Variants in SOX5 observed in about 807,000 individuals in gnomAD.
SOX5 encodes SRY-box transcription factor 5.
A neutral mutation model predicts 92.0 loss-of-function variants in SOX5; 9 were observed. That is an observed-to-expected ratio of 0.10 (90% CI 0.06 to 0.17). The LOEUF (loss-of-function observed/expected upper bound fraction) is 0.17. SOX5 is among the 10% of genes least tolerant of loss of function. SOX5 has a pLI of 1.00. For synonymous variants in SOX5, 344 were observed against 336.3 expected (o/e 1.02, Z -0.25); for missense variants, 642 against 944.5 (o/e 0.68, Z 4.20).
At chr12:24,537,478 G>A (rs185283253) in intron 1 of SOX5, among the ~76,000 whole-genome samples, 25 of 152,274 alleles carry the variant, frequency 1.6e-4, no homozygotes, top group African/African-American at 5.8e-4. Flanking sequence ...TCTTCAGACT[G>A]AGGAAATGCC....
intron 4 of SOX5, among the ~76,000 whole-genome samples, chr12:24,028,199 C>T (rs1236675914): frequency 6.6e-6 from 1 of 151,894 alleles, no homozygotes; most frequent in Non-Finnish European, 1.5e-5. Context: ...GTAATTACAC[C>T]ATGTACTTAT....
chr12:24,265,285 G>A lies in SOX5; in HGVS notation c.-77+11931C>T, dbSNP rs561404224. On this transcript the variant is annotated intron_variant, in intron 3 of 4. Coordinates refer to the SOX5 transcript ENST00000446891. ...AATATGGCCAGGTGTGGTGGCTCAC[G>A]CCCGTAATCTTAACATTTTGGTAAG... Among the ~76,000 whole-genome samples, 19 of 152,186 alleles carry A rather than the reference G, an allele frequency of 1.2e-4. No homozygotes were observed. The East Asian group carries it at 1.4e-3, about 11-fold the overall frequency.
intron 2 of SOX5, among the ~76,000 whole-genome samples, chr12:24,282,750 G>A (rs76730295): frequency 0.053 from 8,081 of 152,232 alleles, 290 homozygotes; most frequent in Middle Eastern, 0.11. Context: ...GTGCTGAGGC[G>A]CAGGGAGGTT....
chr12:23,658,509 A>G (rs1250011437), intron 7 of SOX5, among the ~76,000 whole-genome samples: 1 of 152,222 alleles, frequency 6.6e-6, no homozygotes, highest in Admixed American at 6.5e-5. Flanking sequence ...CTTTACAACT[A>G]AATCAGGATC....
At chr12:23,828,445 T>A (rs1174734138) in intron 3 of SOX5, among the ~76,000 whole-genome samples, 1 of 152,186 alleles carries the variant, frequency 6.6e-6, no homozygotes, top group African/African-American at 2.4e-5. Context: ...CACACATGAA[T>A]TGGGAATAAA....
intron 1 of SOX5, among the ~76,000 whole-genome samples, chr12:24,474,408 C>G (rs1330406608): frequency 1.3e-5 from 2 of 152,202 alleles, no homozygotes; most frequent in East Asian, 3.9e-4. Flanking sequence ...TGTGGATGAC[C>G]CCCCCACCGG....
At chr12:23,926,790 A>G (rs1229126674) in intron 1 of SOX5, among the ~76,000 whole-genome samples, 1 of 152,088 alleles carries the variant, frequency 6.6e-6, no homozygotes, top group Admixed American at 6.5e-5. Flanking sequence ...CAAGTCATAA[A>G]TGATCTACAG....
At chr12:24,240,813 T>G (rs536980790) in intron 3 of SOX5, among the ~76,000 whole-genome samples, 2 of 152,332 alleles carry the variant, frequency 1.3e-5, no homozygotes, top group African/African-American at 2.4e-5. Flanking sequence ...CCTATTGTTT[T>G]CCATACAGCC....
intron 7 of SOX5, among the ~76,000 whole-genome samples, chr12:23,649,496 C>A (rs2081287607): frequency 6.6e-6 from 1 of 152,060 alleles, no homozygotes; most frequent in Middle Eastern, 3.2e-3. Flanking sequence ...AAAGTAATTT[C>A]TTCTACTCTT....
chr12:24,348,881 A>G (rs537625978), intron 2 of SOX5, among the ~76,000 whole-genome samples: 2 of 152,256 alleles, frequency 1.3e-5, no homozygotes, highest in East Asian at 3.9e-4. Context: ...GTTTCCCTAC[A>G]CATGCTCTCT....
At chr12:24,399,671 T>C (rs1961035258) in intron 1 of SOX5, among the ~76,000 whole-genome samples, 2 of 152,160 alleles carry the variant, frequency 1.3e-5, no homozygotes, top group African/African-American at 4.8e-5. Flanking sequence ...TTATTTTGAA[T>C]TGCCAGTAGC....
intron 7 of SOX5, among the ~76,000 whole-genome samples, chr12:23,655,492 G>T (rs2082192453): frequency 1.3e-5 from 2 of 152,048 alleles, no homozygotes; most frequent in Non-Finnish European, 2.9e-5. Flanking sequence ...TTGGAAGAGG[G>T]GCATTCGCAT....
intron 7 of SOX5, among the ~76,000 whole-genome samples, chr12:23,662,242 A>G (rs967068679): frequency 6.6e-6 from 1 of 152,066 alleles, no homozygotes; most frequent in Admixed American, 6.6e-5. Context: ...GAAATCCTCA[A>G]GTATTTTTAG....
At chr12:23,737,376 T>C (rs1256763319) in intron 5 of SOX5, among the ~76,000 whole-genome samples, 4 of 151,932 alleles carry the variant, frequency 2.6e-5, no homozygotes, top group African/African-American at 9.7e-5. Flanking sequence ...CCGTCTCTAC[T>C]AAAAATACAA....
intron 4 of SOX5, among the ~76,000 whole-genome samples, chr12:24,204,551 A>C (rs1226992067): frequency 6.6e-6 from 1 of 151,416 alleles, no homozygotes; most frequent in African/African-American, 2.4e-5. Context: ...CTGGTCTCAA[A>C]CTCCTGCCCT....
chr12:23,998,825 A>AAAAAAAAAAAAAAAAG (rs1555466998), intron 4 of SOX5, among the ~76,000 whole-genome samples: 1 of 129,956 alleles, frequency 7.7e-6, no homozygotes, highest in Non-Finnish European at 1.7e-5. Flanking sequence ...AAAAAAAAAA[A>AAAAAAAAAAAAAAAAG]GGGGGGGCGA....
intron 4 of SOX5, among the ~76,000 whole-genome samples, chr12:24,157,870 G>A (rs16927262): frequency 0.12 from 18,575 of 151,974 alleles, 1,654 homozygotes; most frequent in East Asian, 0.45. Flanking sequence ...GTCAGAGTTT[G>A]CCTCTCCTTC....
chr12:23,854,543 T>C (rs2136240411), intron 2 of SOX5, among the ~76,000 whole-genome samples: 1 of 152,218 alleles, frequency 6.6e-6, no homozygotes, highest in East Asian at 1.9e-4. Flanking sequence ...TTAATTTATA[T>C]GTATATGATT....
chr12:24,201,394 G>A (rs1425328705), intron 4 of SOX5, among the ~76,000 whole-genome samples: 2 of 151,794 alleles, frequency 1.3e-5, no homozygotes, highest in African/African-American at 4.8e-5. Flanking sequence ...AACATTTCAT[G>A]TACTTCTAGG....
Sources: allele counts gnomAD v4.1 joint callset (sites outside exome capture counted in the v4.1 genomes callset), GRCh38; gene constraint gnomAD v4.1.1; transcripts MANE v1.5; gene names NCBI Gene and HGNC (gene_info 2026-07-23, HGNC 2026-07-21).